The following ADGRL3 variants were observed in gnomAD, a reference collection of about 807,000 sequenced individuals.
The protein encoded by ADGRL3 is adhesion G protein-coupled receptor L3, also known as calcium-independent alpha-latrotoxin receptor 3.
In ADGRL3, 62 loss-of-function variants were observed where a neutral mutation model predicts 153.5. That is an observed-to-expected ratio of 0.40 (90% CI 0.33 to 0.50). ADGRL3 has a LOEUF of 0.50. ADGRL3 is among the 20% of genes least tolerant of loss of function. The pLI is 0.47. For synonymous variants in ADGRL3, 710 were observed against 672.5 expected (o/e 1.06, Z -0.86); for missense variants, 1,641 against 1,859.4 (o/e 0.88, Z 2.16).
At chr4:62,002,209 C>T (rs2099142853) in intron 21 of ADGRL3, among the ~76,000 whole-genome samples, 1 of 149,474 alleles carries the variant, frequency 6.7e-6, no homozygotes, top group Non-Finnish European at 1.5e-5. Flanking sequence ...GCCCATTACT[C>T]TTAACTGAAG....
chr4:61,471,819 T>C (rs1483887222), intron 2 of ADGRL3, among the ~76,000 whole-genome samples: 1 of 152,038 alleles, frequency 6.6e-6, no homozygotes, highest in Non-Finnish European at 1.5e-5. Flanking sequence ...TTTTTCTTAA[T>C]TGTAAACATT....
intron 2 of ADGRL3, among the ~76,000 whole-genome samples, chr4:61,482,200 G>A (rs1033531137): frequency 5.9e-5 from 9 of 152,108 alleles, no homozygotes; most frequent in Admixed American, 2.0e-4. Flanking sequence ...CAAAAAATTG[G>A]CACATGTGTA....
chr4:61,903,274 A>G (rs2098674989), intron 11 of ADGRL3, among the ~76,000 whole-genome samples: 1 of 152,138 alleles, frequency 6.6e-6, no homozygotes, highest in East Asian at 1.9e-4. Context: ...TTACCTTTCA[A>G]GGTTTCACTT....
intron 2 of ADGRL3, among the ~76,000 whole-genome samples, chr4:61,422,132 G>C (rs116176237): frequency 6.6e-6 from 1 of 152,036 alleles, no homozygotes; most frequent in Admixed American, 6.5e-5. Context: ...TTGCATTTTC[G>C]TGTCTTTCTA....
rs555357172 is a variant in ADGRL3, at chr4:61,369,278, T to C, written c.-239-13846T>C. Among the ~76,000 whole-genome samples, 290 of 152,116 alleles carry C rather than the reference T, an allele frequency of 1.9e-3. 1 individual carries two copies. Among genetic ancestry groups the C allele is most frequent in the African/African-American group, 6.8e-3 (284 of 41,510 alleles). ...CTTCCAACACTATGTTGAATAGGAG[T>C]GGTGAGAGAGGGCATCCCTGTCTTA... On this transcript the variant is annotated intron_variant, in intron 1 of 26. Coordinates refer to ENST00000683033, the MANE Select transcript of ADGRL3 (RefSeq NM_001387552.1).
At chr4:61,994,336 G>C (rs994566078) in intron 19 of ADGRL3, among the ~76,000 whole-genome samples, 2 of 151,692 alleles carry the variant, frequency 1.3e-5, no homozygotes, top group Non-Finnish European at 2.9e-5. Flanking sequence ...TTTCTTTGTA[G>C]AGATGAGGTC....
intron 5 of ADGRL3, among the ~76,000 whole-genome samples, chr4:61,604,896 C>T (rs1285824786): frequency 6.6e-6 from 1 of 151,792 alleles, no homozygotes; most frequent in Non-Finnish European, 1.5e-5. Context: ...TTGAGAACAG[C>T]CTGGCCAACA....
intron 9 of ADGRL3, among the ~76,000 whole-genome samples, chr4:61,891,470 ATAC>A (rs1455703778): frequency 6.6e-6 from 1 of 152,224 alleles, no homozygotes. Flanking sequence ...ACTTCAAAAA[ATAC>A]TACAATTTCA....
chr4:61,428,875 ATCATC>A (rs1242153678), intron 2 of ADGRL3, among the ~76,000 whole-genome samples: 1 of 114,624 alleles, frequency 8.7e-6, no homozygotes, highest in Non-Finnish European at 2.0e-5. Flanking sequence ...ATCTATCTAT[ATCATC>A]TATCTATCTA....
chr4:61,748,116 A>G, intron 8 of ADGRL3, among the ~76,000 whole-genome samples: 1 of 151,656 alleles, frequency 6.6e-6, no homozygotes, highest in Non-Finnish European at 1.5e-5. Flanking sequence ...CAATTGCTTC[A>G]AAGAGAATAA....
chr4:61,359,283 A>T lies in ADGRL3; in HGVS notation c.-239-23841A>T, dbSNP rs186186279. Among the ~76,000 whole-genome samples, 5 of 152,302 alleles carry T rather than the reference A, an allele frequency of 3.3e-5. No homozygotes were observed. In the East Asian group the frequency reaches 9.6e-4, roughly 29 times the overall value. Reference sequence around the variant, plus strand: ...CTATTCTCAACACAGAAGCCAGATGATCAACTTAAAATATAAGTTGTATCA... The same window carrying T: ...CTATTCTCAACACAGAAGCCAGATGTTCAACTTAAAATATAAGTTGTATCA... On this transcript the variant is annotated intron_variant, in intron 1 of 26. Transcript: ENST00000683033.
At chr4:61,502,669 ATC>A (rs1245832727) in intron 3 of ADGRL3, among the ~76,000 whole-genome samples, 6 of 152,086 alleles carry the variant, frequency 3.9e-5, no homozygotes, top group Non-Finnish European at 8.8e-5. Context: ...TTTATTGTTA[ATC>A]TCTGTTTACA....
intron 4 of ADGRL3, among the ~76,000 whole-genome samples, chr4:61,539,330 A>G (rs2098676399): frequency 6.6e-6 from 1 of 152,080 alleles, no homozygotes; most frequent in Admixed American, 6.6e-5. Context: ...GGAACAGGAG[A>G]CGGCCTTCTC....
At chr4:61,984,098 G>T (rs2099077547) in intron 19 of ADGRL3, among the ~76,000 whole-genome samples, 1 of 152,054 alleles carries the variant, frequency 6.6e-6, no homozygotes, top group South Asian at 2.1e-4. Flanking sequence ...GATGAATTTT[G>T]CTTTCAACAT....
chr4:61,994,861 T>C (rs902833615), intron 19 of ADGRL3, among the ~76,000 whole-genome samples: 1 of 151,926 alleles, frequency 6.6e-6, no homozygotes, highest in African/African-American at 2.4e-5. Context: ...ATATTATATA[T>C]ACATTTGATA....
At chr4:61,876,465 C>A (rs1024749919) in intron 9 of ADGRL3, among the ~76,000 whole-genome samples, 9 of 152,024 alleles carry the variant, frequency 5.9e-5, no homozygotes, top group East Asian at 1.9e-4. Context: ...ATTTTGAATT[C>A]TTTTCCTGAA....
chr4:61,492,860 T>C (rs1235446899), intron 2 of ADGRL3, among the ~76,000 whole-genome samples: 2 of 152,148 alleles, frequency 1.3e-5, no homozygotes, highest in Non-Finnish European at 2.9e-5. Context: ...GGAACTCATG[T>C]CAAATAACAC....
chr4:61,683,885 C>T lies in ADGRL3; in HGVS notation c.583+6950C>T, dbSNP rs564087583. On this transcript the variant is annotated intron_variant, in intron 6 of 26. Transcript: ENST00000683033. ...GCTCTAAGGATTCTCTCACCTTTGC[C>T]TCCCAAAGTGCTGGGACTACAGGAG... 3.3e-5 allele frequency among the ~76,000 whole-genome samples: 5 copies of T among 152,284 alleles called. No individual in the cohort carries two copies. In the South Asian group the frequency reaches 8.3e-4, roughly 25 times the overall value.
chr4:61,455,362 T>G (rs1263810428), intron 2 of ADGRL3, among the ~76,000 whole-genome samples: 3 of 152,180 alleles, frequency 2.0e-5, no homozygotes, highest in Non-Finnish European at 4.4e-5. Context: ...ACAAAGGTTA[T>G]AGTTGAGGAC....
Sources: allele counts gnomAD v4.1 joint callset (sites outside exome capture counted in the v4.1 genomes callset), GRCh38; gene constraint gnomAD v4.1.1; transcripts MANE v1.5; gene names NCBI Gene and HGNC (gene_info 2026-07-23, HGNC 2026-07-21).